Variants in ZSCAN30 observed in about 807,000 individuals in gnomAD.
ZSCAN30 encodes the protein zinc finger and SCAN domain-containing protein 30.
In ZSCAN30, 37 loss-of-function variants were observed where a neutral mutation model predicts 44.3. The ratio of observed to expected loss-of-function variants is 0.84; its 90% CI spans 0.64 to 1.10. The LOEUF is 1.10. Among genes scored for constraint, ZSCAN30 ranks in the 50% least tolerant of loss-of-function variants. The pLI is 0.00. For synonymous variants in ZSCAN30, 181 were observed against 204.6 expected (o/e 0.88, Z 0.98); for missense variants, 549 against 582.6 (o/e 0.94, Z 0.59).
In ZSCAN30 at chr18:35,253,976, T is replaced by C. The variant is rs866927600; in HGVS notation, c.959A>G (p.Gln320Arg). The change falls in exon 4 of 4, where the codon CAG becomes CGG. Residue 320 changes from glutamine to arginine, a missense_variant. Physicochemically the swap from Gln to Arg is conservative, Grantham distance 43. Transcript: ENST00000333206. ...AGGTCTCTCTCCAGTATGAATTCTC[T>C]GATGTCTAATCAGCTTTGAGCTCTG... ...FCQSSKLIRH[Q>R]RIHTGERPYA... is the part of the protein sequence containing the mutation. The C allele has an allele frequency of 6.2e-7, 1 of 1,614,226 alleles. No individual in the cohort carries two copies.
intron 1 of ZSCAN30, chr18:35,281,353 A>C (rs1185131210): frequency 6.6e-6 from 1 of 152,208 alleles, no homozygotes; most frequent in Non-Finnish European, 1.5e-5. Context: ...TGGCCAGTCC[A>C]ACAAACAAAC....
intron 1 of ZSCAN30, among the ~76,000 whole-genome samples, chr18:35,277,586 A>G (rs370701265): frequency 3.9e-5 from 6 of 152,090 alleles, no homozygotes; most frequent in African/African-American, 1.4e-4. Context: ...GTGAAGAAGG[A>G]TATGTTTGCT....
chr18:35,252,833 G>A lies in ZSCAN30; in HGVS notation c.*617C>T, dbSNP rs1029867215. On this transcript the variant is annotated 3_prime_UTR_variant, in exon 4 of 4. Coordinates refer to ENST00000333206, the MANE Select transcript of ZSCAN30 (RefSeq NM_001112734.4). ...CTACCTCAATGCCTAGCACATAGCA[G>A]GTGCTCAATAAACTAGTAGACTTGA... is the stretch of plus-strand genomic sequence containing the variant. 6.5e-6 allele frequency: 1 copy of A among 152,752 alleles called. No individual in the cohort carries two copies. The highest frequency in any genetic ancestry group is 1.5e-5 in the Non-Finnish European group (1 of 68,534). 9.5% of individuals were successfully genotyped at this position (152,752 alleles called of 1,614,324 possible). A position where few individuals can be genotyped will look rare whatever the true frequency, so the allele number is the denominator to read the frequency against.
chr18:35,289,087 T>C (rs972559355), intron 1 of ZSCAN30, among the ~76,000 whole-genome samples: 2 of 152,098 alleles, frequency 1.3e-5, no homozygotes, highest in East Asian at 3.9e-4. Context: ...GCGATTCTCC[T>C]GACTCGGCCT....
intron 1 of ZSCAN30, among the ~76,000 whole-genome samples, chr18:35,265,804 A>G (rs2044137073): frequency 6.6e-6 from 1 of 152,216 alleles, no homozygotes; most frequent in Non-Finnish European, 1.5e-5. Context: ...GGAAAGCAAC[A>G]CGTAAACACA....
intron 1 of ZSCAN30, among the ~76,000 whole-genome samples, chr18:35,275,460 C>T (rs933420909): frequency 2.0e-5 from 3 of 152,146 alleles, no homozygotes; most frequent in African/African-American, 7.2e-5. Flanking sequence ...ATGATATAAC[C>T]TCCTTCTTCC....
intron 1 of ZSCAN30, among the ~76,000 whole-genome samples, chr18:35,271,117 G>A (rs537000400): frequency 6.6e-6 from 1 of 152,270 alleles, no homozygotes; most frequent in Admixed American, 6.5e-5. Flanking sequence ...ACAGCAGCAA[G>A]ATTTATTGCA....
intron 1 of ZSCAN30, among the ~76,000 whole-genome samples, chr18:35,272,450 C>T (rs1267083103): frequency 2.0e-5 from 3 of 151,082 alleles, no homozygotes; most frequent in African/African-American, 4.9e-5. Context: ...CAGCTTCAAG[C>T]GATTCTCCTG....
At chr18:35,269,925 A>G (rs2044237129) in intron 1 of ZSCAN30, 1 of 152,152 alleles carries the variant, frequency 6.6e-6, no homozygotes, top group Non-Finnish European at 1.5e-5. Flanking sequence ...CAATTTGTTC[A>G]TTCCCTTAAA....
intron 1 of ZSCAN30, among the ~76,000 whole-genome samples, chr18:35,273,663 G>T (rs1019358182): frequency 1.3e-5 from 2 of 152,278 alleles, no homozygotes; most frequent in African/African-American, 4.8e-5. Context: ...AAAATCAGTT[G>T]ACCACGTGTG....
intron 1 of ZSCAN30, among the ~76,000 whole-genome samples, chr18:35,277,029 T>C (rs1752152933): frequency 6.6e-6 from 1 of 152,230 alleles, no homozygotes. Context: ...ATGTGAGACA[T>C]GAAGTCAAAG....
At chr18:35,266,041 TG>T (rs2044142479) in intron 1 of ZSCAN30, among the ~76,000 whole-genome samples, 1 of 152,124 alleles carries the variant, frequency 6.6e-6, no homozygotes. Flanking sequence ...GAAGGTAGTT[TG>T]GGGAGACCAG....
At chr18:35,258,113 C>A in intron 3 of ZSCAN30, 1 of 682,412 alleles carries the variant, frequency 1.5e-6, no homozygotes. Flanking sequence ...ACAATTTAAA[C>A]CTCATGACCT....
intron 1 of ZSCAN30, among the ~76,000 whole-genome samples, chr18:35,287,574 C>CAAA (rs59300208): frequency 0.032 from 3,055 of 94,426 alleles, 109 homozygotes; most frequent in African/African-American, 0.11. Flanking sequence ...ATCCACATAC[C>CAAA]AAAAAAAAAA....
chr18:35,253,431 A>T lies in ZSCAN30; in HGVS notation c.*19T>A, dbSNP rs115012342. 1.6e-3 allele frequency: 2,525 copies of T among 1,534,940 alleles called. 23 individuals carry two copies. In the African/African-American group the frequency reaches 0.022, roughly 13 times the overall value. On this transcript the variant is annotated 3_prime_UTR_variant, in exon 4 of 4. Coordinates refer to ENST00000333206, the MANE Select transcript of ZSCAN30 (RefSeq NM_001112734.4). The stretch of plus-strand genomic sequence containing the variant: ...TGAACTCCTTGCATTTCACAATTGT[A>T]CAACTCTTACCCACAGAGTTAAACT...
At chr18:35,255,739 G>C (rs1004585137) in intron 3 of ZSCAN30, 2 of 154,208 alleles carry the variant, frequency 1.3e-5, no homozygotes, top group Non-Finnish European at 2.9e-5. Context: ...CTGGCTTCCC[G>C]TTTTCCCCAT....
rs540749857 is a variant in ZSCAN30, at chr18:35,259,072, C to T, written c.553+4441G>A. 110 of 153,300 alleles carry T rather than the reference C, an allele frequency of 7.2e-4. 1 individual carries two copies. In the Middle Eastern group the frequency reaches 0.02, roughly 28 times the overall value. The allele number at this position is 153,300 out of a possible 1,614,324, so 9.5% of individuals were successfully genotyped here. A position where few individuals can be genotyped will look rare whatever the true frequency, so the allele number is the denominator to read the frequency against. On this transcript the variant is annotated intron_variant, in intron 3 of 3. Coordinates refer to ENST00000333206, the MANE Select transcript of ZSCAN30 (RefSeq NM_001112734.4). ...CTAGGGTTTCCACAACAAAATACCA[C>T]AGAATGGGTGGTAAACAACAGAAAT...
At position 35,253,762 on chromosome 18, in the gene ZSCAN30, C is replaced by G. The variant is rs376553539; in HGVS notation, c.1173G>C (p.Gly391=). The change falls in exon 4 of 4, where the codon GGG becomes GGC. Residue 391 remains glycine (G), a synonymous_variant. Coordinates refer to ENST00000333206, the MANE Select transcript of ZSCAN30 (RefSeq NM_001112734.4). ...GEKPYECGEC[G]KAFSRSSALI... is the part of the protein sequence containing the mutation. Reference sequence around the variant, plus strand: ...GGGCTGAGCTCCGGCTGAAGGCCTTCCCACATTCTCCACATTCATAAGGCT... The same window carrying G: ...GGGCTGAGCTCCGGCTGAAGGCCTTGCCACATTCTCCACATTCATAAGGCT... 2.4e-5 allele frequency: 38 copies of G among 1,613,058 alleles called. No individual in the cohort carries two copies. In the African/African-American group the frequency reaches 5.0e-4, roughly 21 times the overall value.
At chr18:35,280,957 A>G (rs1360576260) in intron 1 of ZSCAN30, 1 of 152,232 alleles carries the variant, frequency 6.6e-6, no homozygotes, top group East Asian at 1.9e-4. Context: ...TTAATTTCCA[A>G]TACAATACAT....
Sources: gnomAD v4.1 joint callset for allele counts (sites outside exome capture counted in the v4.1 genomes callset) on GRCh38, gnomAD v4.1.1 for gene constraint, MANE v1.5 for transcripts, NCBI Gene and HGNC (gene_info 2026-07-23, HGNC 2026-07-21) for gene names.